BTBD10: variants seen among roughly 807,000 people sequenced by gnomAD.
BTBD10 encodes BTB domain containing 10.
Under a neutral mutation model 53.2 loss-of-function variants are expected in BTBD10, and 21 were observed. That is an observed-to-expected ratio of 0.39 (90% CI 0.28 to 0.57). The LOEUF (loss-of-function observed/expected upper bound fraction) is 0.57. Among genes scored for constraint, BTBD10 ranks in the 20% least tolerant of loss-of-function variants. The pLI is 0.53. For synonymous variants in BTBD10, 149 were observed against 192.7 expected, an observed-to-expected ratio of 0.77 and a Z score of 1.88; for missense variants, 360 against 594.7, an observed-to-expected ratio of 0.61 and a Z score of 4.10.
intron 1 of BTBD10, among the ~76,000 whole-genome samples, chr11:13,451,628 C>G (rs1459625042): frequency 6.6e-6 from 1 of 152,178 alleles, no homozygotes; most frequent in Non-Finnish European, 1.5e-5. Flanking sequence ...AGCAAGTTAA[C>G]ATTCTCTAAA....
intron 1 of BTBD10, among the ~76,000 whole-genome samples, chr11:13,454,941 G>T (rs1168574048): frequency 6.6e-6 from 1 of 151,972 alleles, no homozygotes; most frequent in Non-Finnish European, 1.5e-5. Context: ...ACGGAGCTTT[G>T]CTCTTGTTAC....
chr11:13,396,212 C>A (rs1373345158), intron 8 of BTBD10, among the ~76,000 whole-genome samples: 1 of 152,144 alleles, frequency 6.6e-6, no homozygotes, highest in Non-Finnish European at 1.5e-5. Context: ...TCTTTTATTT[C>A]ACTGAGCAGT....
At chr11:13,432,309 A>T (rs1950463566) in intron 2 of BTBD10, among the ~76,000 whole-genome samples, 1 of 152,130 alleles carries the variant, frequency 6.6e-6, no homozygotes, top group South Asian at 2.1e-4. Context: ...GAATCTATAC[A>T]TACAATAAAA....
chr11:13,430,452 T>C (rs72857027), intron 2 of BTBD10, among the ~76,000 whole-genome samples: 16,032 of 152,156 alleles, frequency 0.11, 942 homozygotes, highest in Middle Eastern at 0.15. Flanking sequence ...TTTTAGAAAC[T>C]GTTTCGGAGA....
At chr11:13,462,111 ATT>A (rs1363521553) in intron 1 of BTBD10, among the ~76,000 whole-genome samples, 1 of 151,970 alleles carries the variant, frequency 6.6e-6, no homozygotes, top group African/African-American at 2.4e-5. Context: ...TGCATTCTTT[ATT>A]ATATCTCTTA....
At chr11:13,436,921 T>C (rs1950554184) in intron 2 of BTBD10, among the ~76,000 whole-genome samples, 1 of 152,170 alleles carries the variant, frequency 6.6e-6, no homozygotes, top group African/African-American at 2.4e-5. Flanking sequence ...TAGCTGGGAT[T>C]ACAGGCGTGC....
At chr11:13,434,221 A>G (rs1025397291) in intron 2 of BTBD10, among the ~76,000 whole-genome samples, 1 of 152,182 alleles carries the variant, frequency 6.6e-6, no homozygotes, top group Non-Finnish European at 1.5e-5. Context: ...AGCAGCGCCT[A>G]AGAGTATCTT....
intron 2 of BTBD10, among the ~76,000 whole-genome samples, chr11:13,442,715 A>C (rs967293729): frequency 6.6e-6 from 1 of 152,150 alleles, no homozygotes; most frequent in African/African-American, 2.4e-5. Context: ...CCATGCGTGG[A>C]TACTAAACTA....
At chr11:13,397,047 T>C (rs989000206) in intron 8 of BTBD10, among the ~76,000 whole-genome samples, 1 of 152,230 alleles carries the variant, frequency 6.6e-6, no homozygotes, top group African/African-American at 2.4e-5. Context: ...AGGATGATGC[T>C]GGCCTCATAA....
At chr11:13,392,671 C>G (rs572378976) in intron 8 of BTBD10, among the ~76,000 whole-genome samples, 1 of 152,158 alleles carries the variant, frequency 6.6e-6, no homozygotes, top group Non-Finnish European at 1.5e-5. Context: ...GGTGAACTTT[C>G]AGTGATAAGA....
At chr11:13,458,016 T>C (rs2134064172) in intron 1 of BTBD10, among the ~76,000 whole-genome samples, 2 of 151,924 alleles carry the variant, frequency 1.3e-5, no homozygotes, top group South Asian at 4.2e-4. Flanking sequence ...TTAACAGCCA[T>C]TCAAGCTGAG....
chr11:13,458,373 T>A (rs1311222274), intron 1 of BTBD10, among the ~76,000 whole-genome samples: 2 of 152,160 alleles, frequency 1.3e-5, no homozygotes, highest in African/African-American at 4.8e-5. Flanking sequence ...AATGGAAATT[T>A]AAAAAGGATA....
At chr11:13,391,999 G>T (rs1160391780) in intron 8 of BTBD10, among the ~76,000 whole-genome samples, 2 of 152,166 alleles carry the variant, frequency 1.3e-5, no homozygotes, top group South Asian at 4.1e-4. Context: ...GGGCAAGCCT[G>T]CCCCTGACTT....
intron 5 of BTBD10, among the ~76,000 whole-genome samples, chr11:13,414,693 A>G (rs1950053548): frequency 6.6e-6 from 1 of 151,422 alleles, no homozygotes; most frequent in Non-Finnish European, 1.5e-5. Flanking sequence ...TACAAAAATT[A>G]GCCAGGCGTG....
intron 6 of BTBD10, 79 bp from the exon 7 acceptor site, chr11:13,405,935 A>G (rs1949814674): frequency 7.2e-7 from 1 of 1,386,562 alleles, no homozygotes; most frequent in African/African-American, 1.4e-5. Flanking sequence ...CTCTTATAAC[A>G]AGAAAGGCCA....
chr11:13,419,737 T>G lies in BTBD10; in HGVS notation c.307A>C (p.Lys103Gln). 1 of 1,577,348 alleles carries G rather than the reference T, an allele frequency of 6.3e-7. No individual in the cohort carries two copies. The highest frequency in any genetic ancestry group is 8.6e-7 in the Non-Finnish European group (1 of 1,163,070). ...CTTGGACGAGAGGAACTGTGATCTTTTTCTCGTTCTGAAATAAAGATGTTA... is the reference window on the plus strand; with the variant it reads ...CTTGGACGAGAGGAACTGTGATCTTGTTCTCGTTCTGAAATAAAGATGTTA... ...PTRQHHVEREKDHSSSRPSSP... is the reference protein window; with the variant it reads ...PTRQHHVEREQDHSSSRPSSP... Residue 103 changes from lysine to glutamine, a missense_variant, in exon 4 of 9, where the codon AAA becomes CAA. This residue lies in a region of BTBD10 where 109 missense variants were observed against 118.6 expected (regional missense o/e 0.92). Coordinates refer to ENST00000278174, the MANE Select transcript of BTBD10 (RefSeq NM_032320.7).
intron 8 of BTBD10, among the ~76,000 whole-genome samples, chr11:13,396,243 G>C (rs1449234765): frequency 3.9e-5 from 6 of 152,096 alleles, no homozygotes; most frequent in African/African-American, 1.4e-4. Context: ...TCTCCTTGAA[G>C]AGGTCCTTCA....
rs368074216 is a variant in BTBD10, at chr11:13,413,625, C to T, written c.713G>A (p.Arg238His). 60 of 1,610,056 alleles carry T rather than the reference C, an allele frequency of 3.7e-5. No homozygotes were observed. The South Asian group carries it at 4.4e-4, about 12-fold the overall frequency. Residue 238 changes from arginine to histidine, a missense_variant, in exon 6 of 9, where the codon CGT becomes CAT. Coordinates refer to ENST00000278174, the MANE Select transcript of BTBD10 (RefSeq NM_032320.7). Reference sequence around the variant, plus strand: ...AGGAATAGATATGCCATCAGGACAACGGATTATTCCTGTTTTATAGTAATC... The same window carrying T: ...AGGAATAGATATGCCATCAGGACAATGGATTATTCCTGTTTTATAGTAATC... ...ILDYYKTGIIRCPDGISIPEL... is the reference protein window; with the variant it reads ...ILDYYKTGIIHCPDGISIPEL...
At chr11:13,454,697 A>T (rs186060410) in intron 1 of BTBD10, among the ~76,000 whole-genome samples, 2 of 152,054 alleles carry the variant, frequency 1.3e-5, no homozygotes, top group African/African-American at 2.4e-5. Context: ...TAAAAATAAA[A>T]AAATAAATTA....
Sources: allele counts gnomAD v4.1 joint callset (sites outside exome capture counted in the v4.1 genomes callset), GRCh38; gene constraint gnomAD v4.1.1; regional missense constraint gnomAD v4.1.1; transcripts MANE v1.5; gene names NCBI Gene and HGNC (gene_info 2026-07-23, HGNC 2026-07-21).